SLCO1C1: variants seen among roughly 807,000 people sequenced by gnomAD.
The protein encoded by SLCO1C1 is OAT-RP-5.
In SLCO1C1, 70 loss-of-function variants were observed where a neutral mutation model predicts 76.4. The observed-to-expected ratio is 0.92, with a 90% CI of 0.76 to 1.12. The LOEUF (loss-of-function observed/expected upper bound fraction) is 1.12, where lower values mean the gene tolerates loss of function less well. Ranked by LOEUF, SLCO1C1 falls within the 50% of genes most tolerant of loss-of-function variation. The pLI, the probability that SLCO1C1 is intolerant of heterozygous loss-of-function variation, is 0.00. For missense variants in SLCO1C1, 912 were observed against 823.8 expected, an observed-to-expected ratio of 1.11 and a Z score of -1.31; for synonymous variants, 306 against 286.1, an observed-to-expected ratio of 1.07 and a Z score of -0.70.
intron 4 of SLCO1C1, among the ~76,000 whole-genome samples, chr12:20,706,392 G>A (rs1050381640): frequency 6.6e-6 from 1 of 152,020 alleles, no homozygotes; most frequent in Admixed American, 6.6e-5. Context: ...AATTAACATG[G>A]TAAATGTCAA....
In SLCO1C1 at chr12:20,695,622, T is replaced by C. The variant is rs1946232738; in HGVS notation, c.-211T>C. Reference sequence around the variant, plus strand: ...AAGAGATCGCTCAGGGGTGAGACCATGCCCTTCATCTTTTCTTTTCCCTAA... The same window carrying C: ...AAGAGATCGCTCAGGGGTGAGACCACGCCCTTCATCTTTTCTTTTCCCTAA... On this transcript the variant is annotated 5_prime_UTR_variant, in exon 1 of 15. It removes an upstream start codon present in the reference 5' UTR. Coordinates refer to ENST00000266509, the MANE Select transcript of SLCO1C1 (RefSeq NM_017435.5). 1 of 152,050 alleles carries C rather than the reference T, an allele frequency of 6.6e-6. No individual in the cohort carries two copies. The allele number at this position is 152,050 out of a possible 1,614,324, so 9.4% of individuals were successfully genotyped here.
chr12:20,752,750 T>G lies in SLCO1C1; in HGVS notation c.*222T>G. On this transcript the variant is annotated 3_prime_UTR_variant, in exon 15 of 15. Transcript: ENST00000266509. Reference sequence around the variant, plus strand: ...TTTTGAACTTTTTAATTTATATAAATTATTTTATATCACTTACTTATTTCA... The same window carrying G: ...TTTTGAACTTTTTAATTTATATAAAGTATTTTATATCACTTACTTATTTCA... 3.0e-6 allele frequency: 1 copy of G among 336,040 alleles called. No homozygotes were observed. 20.8% of individuals were successfully genotyped at this position (336,040 alleles called of 1,614,324 possible). A position where few individuals can be genotyped will look rare whatever the true frequency, so the allele number is the denominator to read the frequency against.
At chr12:20,717,421 G>C (rs1947415783) in intron 7 of SLCO1C1, among the ~76,000 whole-genome samples, 191 bp downstream of exon 7, 1 of 151,736 alleles carries the variant, frequency 6.6e-6, no homozygotes, top group African/African-American at 2.4e-5. Flanking sequence ...GTGATAATTA[G>C]AACTGGATGA....
chr12:20,711,847 T>A (rs1947122498), intron 5 of SLCO1C1, among the ~76,000 whole-genome samples: 1 of 152,234 alleles, frequency 6.6e-6, no homozygotes, highest in African/African-American at 2.4e-5. Context: ...GAAAGAAGTA[T>A]AATTTTTCCC....
At chr12:20,721,248 C>T (rs1326649771) in intron 7 of SLCO1C1, among the ~76,000 whole-genome samples, 1 of 152,092 alleles carries the variant, frequency 6.6e-6, no homozygotes, top group Non-Finnish European at 1.5e-5. Context: ...GCATTGCATA[C>T]TACAGAGAAA....
chr12:20,733,105 G>T lies in SLCO1C1; in HGVS notation c.1382+1G>T, dbSNP rs1948371529. The T allele has an allele frequency of 9.0e-6, 14 of 1,552,274 alleles. No individual in the cohort carries two copies. The highest frequency in any genetic ancestry group is 2.3e-5 in the East Asian group (1 of 44,254). ...CAGGACTAACTGTCTCCTACCAAGG[G>T]TATGTTCCCTCATTAAATAGTTTGA... On this transcript the variant is annotated splice_donor_variant, in intron 10 of 14. Transcript: ENST00000266509. LOFTEE classifies it high-confidence loss of function.
chr12:20,725,548 G>C (rs1947937617), intron 9 of SLCO1C1, among the ~76,000 whole-genome samples: 1 of 147,660 alleles, frequency 6.8e-6, no homozygotes, highest in African/African-American at 2.5e-5. Context: ...GGGCCACTAT[G>C]CTCATTTTTC....
chr12:20,731,874 T>A (rs1948285244), intron 9 of SLCO1C1, among the ~76,000 whole-genome samples: 1 of 152,208 alleles, frequency 6.6e-6, no homozygotes, highest in African/African-American at 2.4e-5. Flanking sequence ...GACATTTTTT[T>A]TTACTAAACA....
intron 7 of SLCO1C1, among the ~76,000 whole-genome samples, chr12:20,721,540 T>A (rs1419288399): frequency 6.6e-6 from 1 of 152,140 alleles, no homozygotes; most frequent in African/African-American, 2.4e-5. Flanking sequence ...TAGTTAAACA[T>A]AACTTTTGTA....
intron 5 of SLCO1C1, among the ~76,000 whole-genome samples, chr12:20,712,586 CCGGAGG>C (rs1474473039): frequency 1.3e-5 from 2 of 152,208 alleles, no homozygotes; most frequent in African/African-American, 4.8e-5. Flanking sequence ...CTACTCCTAA[CCGGAGG>C]AACCACATTG....
intron 12 of SLCO1C1, among the ~76,000 whole-genome samples, chr12:20,742,488 T>C (rs1034735785): frequency 3.3e-5 from 5 of 152,088 alleles, no homozygotes; most frequent in Non-Finnish European, 5.9e-5. Flanking sequence ...GTCATATTAA[T>C]GACACTCTTA....
intron 3 of SLCO1C1, among the ~76,000 whole-genome samples, chr12:20,705,688 T>G (rs1946739355): frequency 6.6e-6 from 1 of 151,994 alleles, no homozygotes; most frequent in Non-Finnish European, 1.5e-5. Context: ...ATAAAATATT[T>G]TACAAGGACA....
chr12:20,712,588 G>A lies in SLCO1C1; in HGVS notation c.529+1078G>A, dbSNP rs144998224. Among the ~76,000 whole-genome samples the A allele has an allele frequency of 4.7e-4, 72 of 152,150 alleles. No homozygotes were observed. In the Middle Eastern group the frequency reaches 0.014, roughly 29 times the overall value. On this transcript the variant is annotated intron_variant, in intron 5 of 14. Transcript: ENST00000266509. ...CCAATTTCAACCCCTACTCCTAACC[G>A]GAGGAACCACATTGTATACAGGCAG...
chr12:20,743,231 C>A, intron 12 of SLCO1C1, 74 bp from the exon 13 acceptor site: 1 of 1,347,182 alleles, frequency 7.4e-7, no homozygotes, highest in Non-Finnish European at 1.1e-6. Flanking sequence ...GTATGTTAGG[C>A]AGATTATCCT....
intron 3 of SLCO1C1, among the ~76,000 whole-genome samples, chr12:20,702,084 G>T (rs1451538522): frequency 6.6e-6 from 1 of 151,802 alleles, no homozygotes; most frequent in Non-Finnish European, 1.5e-5. Flanking sequence ...ATTTAAAGAG[G>T]ATAATCCTAG....
At chr12:20,751,917 AG>A (rs1288992968) in intron 14 of SLCO1C1, among the ~76,000 whole-genome samples, 1 of 152,182 alleles carries the variant, frequency 6.6e-6, no homozygotes, top group African/African-American at 2.4e-5. Context: ...GTCTGAGGAT[AG>A]GGTAGCCACA....
chr12:20,737,172 CAG>C lies in SLCO1C1; in HGVS notation c.1452_1453del (p.Glu484AspfsTer9), dbSNP rs753542981. The C allele has an allele frequency of 3.8e-6, 6 of 1,564,880 alleles. No homozygotes were observed. In the East Asian group the frequency reaches 1.5e-4, roughly 38 times the overall value. Reference sequence around the variant, plus strand: ...GATTGCAACTCAAGATGCAAATGTTCAGAGACAAAATGGGAACCCATGTGCGG... The same window carrying C: ...GATTGCAACTCAAGATGCAAATGTTCAGACAAAATGGGAACCCATGTGCGG... On this transcript the variant is annotated frameshift_variant, in exon 11 of 15. Transcript: ENST00000266509. LOFTEE classifies it high-confidence loss of function.
chr12:20,724,447 ATATATG>A (rs1268068238), intron 9 of SLCO1C1, among the ~76,000 whole-genome samples: 12 of 96,588 alleles, frequency 1.2e-4, no homozygotes, highest in Middle Eastern at 5.4e-3. Flanking sequence ...ATATATATAT[ATATATG>A]TGTGTGTGTG....
chr12:20,699,984 T>C (rs1287774665), intron 2 of SLCO1C1: 1 of 257,028 alleles, frequency 3.9e-6, no homozygotes, highest in Non-Finnish European at 7.3e-6. Context: ...ATGTGCCAGA[T>C]ATTAAGCCAA....
Sources: gnomAD v4.1 joint callset for allele counts (sites outside exome capture counted in the v4.1 genomes callset) on GRCh38, gnomAD v4.1.1 for gene constraint, MANE v1.5 for transcripts, NCBI Gene and HGNC (gene_info 2026-07-23, HGNC 2026-07-21) for gene names.